Variants in PTPN9 observed in about 807,000 individuals in gnomAD.
PTPN9 encodes tyrosine-protein phosphatase non-receptor type 9.
Under a neutral mutation model 69.8 loss-of-function variants are expected in PTPN9, and 26 were observed. That is an observed-to-expected ratio of 0.37 (90% CI 0.27 to 0.52). PTPN9 has a LOEUF of 0.52. PTPN9 is among the 20% of genes least tolerant of loss of function. PTPN9 has a pLI of 0.91. For missense variants in PTPN9, 549 were observed against 740.3 expected (o/e 0.74, Z 3.00); for synonymous variants, 274 against 272.5 (o/e 1.01, Z -0.05).
At chr15:75,565,594 G>C (rs966628565) in intron 1 of PTPN9, among the ~76,000 whole-genome samples, 1 of 152,132 alleles carries the variant, frequency 6.6e-6, no homozygotes, top group African/African-American at 2.4e-5. Flanking sequence ...AAATGTTCTG[G>C]GGGGAGGATC....
intron 4 of PTPN9, among the ~76,000 whole-genome samples, chr15:75,521,474 A>T (rs185819707): frequency 3.8e-4 from 58 of 151,772 alleles, no homozygotes; most frequent in East Asian, 5.8e-4. Context: ...AAATAAAAAA[A>T]ATATTTTTTT....
At chr15:75,561,633 G>A (rs1226047521) in intron 1 of PTPN9, among the ~76,000 whole-genome samples, 1 of 152,030 alleles carries the variant, frequency 6.6e-6, no homozygotes, top group African/African-American at 2.4e-5. Context: ...TAAACTCCTG[G>A]GCTCAAGTGA....
At position 75,470,997 on chromosome 15, in the gene PTPN9, A is replaced by G. The variant is rs1332944037; in HGVS notation, c.1209-167T>C. The G allele has an allele frequency of 6.3e-6, 5 of 795,492 alleles. No individual in the cohort carries two copies. The African/African-American group carries it at 8.7e-5, about 14-fold the overall frequency. The allele number at this position is 795,492 out of a possible 1,614,324, so 49.3% of individuals were successfully genotyped here. On this transcript the variant is annotated intron_variant, in intron 10 of 12. Coordinates refer to ENST00000618819, the MANE Select transcript of PTPN9 (RefSeq NM_002833.4). ...AAAGGAAAGGAAACCTCTTCATTCT[A>G]AACAAATGTACTCACAGCTAAAGTT...
chr15:75,522,385 G>T (rs2074909270), intron 4 of PTPN9, among the ~76,000 whole-genome samples: 1 of 151,740 alleles, frequency 6.6e-6, no homozygotes, highest in Admixed American at 6.6e-5. Context: ...TGTTTTGTGT[G>T]GGCTTTTTTG....
chr15:75,562,830 A>G (rs2075110624), intron 1 of PTPN9, among the ~76,000 whole-genome samples: 1 of 151,062 alleles, frequency 6.6e-6, no homozygotes, highest in Non-Finnish European at 1.5e-5. Context: ...AATCATCCTA[A>G]GCAAAACAAT....
At position 75,563,837 on chromosome 15, in the gene PTPN9, T is replaced by C. The variant is rs548134104; in HGVS notation, c.63+14877A>G. Among the ~76,000 whole-genome samples the C allele has an allele frequency of 2.6e-5, 4 of 152,240 alleles. No individual in the cohort carries two copies. In the South Asian group the frequency reaches 8.3e-4, roughly 32 times the overall value. On this transcript the variant is annotated intron_variant, in intron 1 of 12. Coordinates refer to ENST00000618819, the MANE Select transcript of PTPN9 (RefSeq NM_002833.4). ...AGGATAGAGAGCTCCAACCTTGCTA[T>C]ACAAGGACCTGGCACATACCAACAG...
chr15:75,469,736 T>G, intron 12 of PTPN9, 56 bp downstream of exon 12: 1 of 1,570,924 alleles, frequency 6.4e-7, no homozygotes, highest in Non-Finnish European at 8.7e-7. Context: ...GCTTTGTTTT[T>G]CCTCGTCCAC....
At chr15:75,526,972 C>A in intron 2 of PTPN9, 146 bp downstream of exon 2, 2 of 1,010,016 alleles carry the variant, frequency 2.0e-6, no homozygotes, top group Admixed American at 2.5e-5. Context: ...AGCTTCAGCT[C>A]TCACAAGGGC....
At chr15:75,545,699 G>C (rs1174513573) in intron 1 of PTPN9, among the ~76,000 whole-genome samples, 1 of 152,196 alleles carries the variant, frequency 6.6e-6, no homozygotes. Context: ...CAGCACTTTG[G>C]GAGGCGGAGG....
intron 8 of PTPN9, among the ~76,000 whole-genome samples, chr15:75,488,637 A>T (rs917820537): frequency 2.2e-4 from 33 of 151,944 alleles, no homozygotes; most frequent in East Asian, 3.9e-4. Context: ...AAATAAAATT[A>T]AAAAAAATCA....
chr15:75,481,748 T>G (rs2074635983), intron 8 of PTPN9, among the ~76,000 whole-genome samples: 1 of 56,632 alleles, frequency 1.8e-5, no homozygotes, highest in African/African-American at 8.5e-5. Flanking sequence ...GTCCGGGAGG[T>G]GAGGGGTGCC....
At chr15:75,507,661 G>A (rs1397277859) in intron 6 of PTPN9, among the ~76,000 whole-genome samples, 4 of 152,038 alleles carry the variant, frequency 2.6e-5, no homozygotes, top group Admixed American at 6.6e-5. Context: ...CAGCTACTAG[G>A]GAGGCTGAGG....
chr15:75,542,848 CTTTT>C (rs929161029), intron 1 of PTPN9, among the ~76,000 whole-genome samples: 1 of 141,828 alleles, frequency 7.1e-6, no homozygotes, highest in Admixed American at 7.0e-5. Flanking sequence ...TTTTTTTTGG[CTTTT>C]TTTTTTTAAT....
Position 75,537,442 on chromosome 15 carries a change from C to CAAAAAAA in PTPN9, c.64-10182_64-10181insTTTTTTT, listed in dbSNP as rs1567510749. Among the ~76,000 whole-genome samples, 3 of 49,754 alleles carry CAAAAAAA rather than the reference C, an allele frequency of 6.0e-5. 1 individual carries two copies. The highest frequency in any genetic ancestry group is 3.8e-4 in the African/African-American group (3 of 7,986). 32.6% of individuals were successfully genotyped at this position (49,754 alleles called of 152,430 possible). ...CAAGAGGAATCGTCAAATATCTTCC[C>CAAAAAAA]TAAAAAAAAAAAAAAAAAAAAAAAA... is the stretch of plus-strand genomic sequence containing the variant. On this transcript the variant is annotated intron_variant, in intron 1 of 12. Coordinates refer to ENST00000618819, the MANE Select transcript of PTPN9 (RefSeq NM_002833.4).
intron 9 of PTPN9, among the ~76,000 whole-genome samples, chr15:75,479,046 C>T (rs540725812): frequency 3.3e-5 from 5 of 152,282 alleles, no homozygotes; most frequent in Admixed American, 1.3e-4. Context: ...TGGTGGCTCA[C>T]GCCTGTAATC....
chr15:75,474,946 C>T (rs1187228145), intron 9 of PTPN9, among the ~76,000 whole-genome samples: 1 of 152,196 alleles, frequency 6.6e-6, no homozygotes, highest in East Asian at 1.9e-4. Context: ...CTGTCTCCGT[C>T]ACCTCCAATG....
Position 75,505,706 on chromosome 15 carries a change from C to CA in PTPN9, c.936dup (p.Glu313Ter), listed in dbSNP as rs1281292118. The CA allele has an allele frequency of 2.5e-6, 4 of 1,613,882 alleles. No homozygotes were observed. Among genetic ancestry groups the CA allele is most frequent in the Non-Finnish European group, 3.4e-6 (4 of 1,179,934 alleles). ...CAGTGGAAAGTGCCAACAGGGTTCT[C>CA]ACGACGAATGTCTTCATATTCCTCA... On this transcript the variant is annotated frameshift_variant, in exon 7 of 13. Coordinates refer to ENST00000618819, the MANE Select transcript of PTPN9 (RefSeq NM_002833.4). LOFTEE classifies it high-confidence loss of function.
chr15:75,563,684 C>G (rs1415267214), intron 1 of PTPN9, among the ~76,000 whole-genome samples: 1 of 152,084 alleles, frequency 6.6e-6, no homozygotes, highest in Non-Finnish European at 1.5e-5. Flanking sequence ...ATATTTTGAA[C>G]CCTCCAAAAT....
intron 2 of PTPN9, 74 bp from the exon 3 acceptor site, chr15:75,524,372 A>G: frequency 1.2e-6 from 1 of 804,812 alleles, no homozygotes; most frequent in Non-Finnish European, 2.1e-6. Context: ...GTAACCACCA[A>G]ATCTCAGAGA....
Sources: allele counts gnomAD v4.1 joint callset (sites outside exome capture counted in the v4.1 genomes callset), GRCh38; gene constraint gnomAD v4.1.1; transcripts MANE v1.5; gene names NCBI Gene and HGNC (gene_info 2026-07-23, HGNC 2026-07-21).